PALM2AKAP2: variants seen among roughly 807,000 people sequenced by gnomAD.
The protein encoded by PALM2AKAP2 is PALM2-AKAP2 fusion protein.
PALM2AKAP2 carries 37 observed loss-of-function variants against 71.5 expected under a neutral mutation model. The ratio of observed to expected loss-of-function variants is 0.52; its 90% CI spans 0.40 to 0.68. PALM2AKAP2 has a LOEUF of 0.68. Among genes scored for constraint, PALM2AKAP2 ranks in the 30% least tolerant of loss-of-function variants. The pLI, the probability that PALM2AKAP2 is intolerant of heterozygous loss-of-function variation, is 0.00. For missense variants in PALM2AKAP2, 1,224 were observed against 1,191.8 expected, an observed-to-expected ratio of 1.03 and a Z score of -0.40; for synonymous variants, 468 against 478.8, an observed-to-expected ratio of 0.98 and a Z score of 0.29.
chr9:109,798,349 G>A (rs899798251), intron 1 of PALM2AKAP2, among the ~76,000 whole-genome samples: 2 of 152,142 alleles, frequency 1.3e-5, no homozygotes, highest in East Asian at 1.9e-4. Flanking sequence ...CCTGCATCTC[G>A]CAGTGATGGT....
At chr9:109,974,420 C>G (rs922935846) in intron 6 of PALM2AKAP2, among the ~76,000 whole-genome samples, 1 of 151,986 alleles carries the variant, frequency 6.6e-6, no homozygotes, top group Non-Finnish European at 1.5e-5. Flanking sequence ...AGTGTTGCCT[C>G]TGCCTTACCT....
chr9:110,089,327 G>T (rs1368693098), intron 1 of PALM2AKAP2, among the ~76,000 whole-genome samples: 2 of 152,178 alleles, frequency 1.3e-5, no homozygotes, highest in African/African-American at 4.8e-5. Context: ...GAATTAAAAT[G>T]ATCTCTAGAG....
At chr9:110,053,059 T>C (rs1230863317) in intron 1 of PALM2AKAP2, among the ~76,000 whole-genome samples, 1 of 152,178 alleles carries the variant, frequency 6.6e-6, no homozygotes, top group African/African-American at 2.4e-5. Flanking sequence ...CTTTTTCCTG[T>C]TGAGGTGGAT....
intron 1 of PALM2AKAP2, among the ~76,000 whole-genome samples, chr9:109,826,951 T>G (rs1195297564): frequency 6.6e-6 from 1 of 152,112 alleles, no homozygotes. Flanking sequence ...TGAAATGAGA[T>G]AAAAATATAA....
intron 6 of PALM2AKAP2, chr9:109,943,275 T>G (rs1003448677): frequency 6.2e-7 from 1 of 1,614,204 alleles, no homozygotes; most frequent in Admixed American, 1.7e-5. Flanking sequence ...TGTCCACTAT[T>G]GACGGGAACG....
At chr9:109,716,190 C>A (rs1040587884) in intron 1 of PALM2AKAP2, among the ~76,000 whole-genome samples, 5 of 152,168 alleles carry the variant, frequency 3.3e-5, no homozygotes, top group African/African-American at 2.4e-5. Context: ...TATGTGGTAA[C>A]TCTCTCCTCT....
chr9:110,152,512 T>G (rs139821316), intron 2 of PALM2AKAP2, among the ~76,000 whole-genome samples: 65 of 152,286 alleles, frequency 4.3e-4, no homozygotes, highest in African/African-American at 1.5e-3. Flanking sequence ...GCATGTCCTC[T>G]TGGCCAAGGG....
chr9:109,956,175 T>C, intron 6 of PALM2AKAP2, among the ~76,000 whole-genome samples: 1 of 151,926 alleles, frequency 6.6e-6, no homozygotes, highest in Non-Finnish European at 1.5e-5. Context: ...AGGCTAATTT[T>C]TGTATTTTTA....
chr9:110,155,397 A>G (rs1229469835), intron 2 of PALM2AKAP2, among the ~76,000 whole-genome samples: 1 of 152,214 alleles, frequency 6.6e-6, no homozygotes, highest in African/African-American at 2.4e-5. Flanking sequence ...TCAGAAGTGC[A>G]TTTGGGGCTC....
intron 6 of PALM2AKAP2, among the ~76,000 whole-genome samples, chr9:110,009,023 A>C (rs1451031876): frequency 1.1e-4 from 16 of 152,174 alleles, no homozygotes; most frequent in Admixed American, 1.0e-3. Context: ...GAATATTTGC[A>C]TGAGCGGCAT....
chr9:109,727,731 C>T (rs1282008850), intron 1 of PALM2AKAP2, among the ~76,000 whole-genome samples: 1 of 152,166 alleles, frequency 6.6e-6, no homozygotes, highest in Non-Finnish European at 1.5e-5. Context: ...TTTTCATGCA[C>T]CGTAGTTAAT....
Position 110,038,546 on chromosome 9 carries a change from C to A in PALM2AKAP2, c.582+22507C>A, listed in dbSNP as rs1833453717. On this transcript the variant is annotated intron_variant, in intron 7 of 9. Coordinates refer to the PALM2AKAP2 transcript ENST00000302798. ...ACCTCAAGGTCACTGATGACTTTGA[C>A]AAGTGCTGTCTTGGTGAAAAAAACA... Among the ~76,000 whole-genome samples the A allele has an allele frequency of 2.6e-5, 4 of 151,970 alleles. No individual in the cohort carries two copies. In the South Asian group the frequency reaches 8.3e-4, roughly 32 times the overall value.
At chr9:109,887,485 A>T (rs1030849855) in intron 3 of PALM2AKAP2, among the ~76,000 whole-genome samples, 1 of 152,208 alleles carries the variant, frequency 6.6e-6, no homozygotes, top group Non-Finnish European at 1.5e-5. Context: ...TGCTATGTAT[A>T]CAGTAAACTA....
chr9:109,926,371 G>A (rs1830956321), intron 5 of PALM2AKAP2, among the ~76,000 whole-genome samples: 1 of 152,198 alleles, frequency 6.6e-6, no homozygotes, highest in Non-Finnish European at 1.5e-5. Flanking sequence ...CTGAGTACAT[G>A]TAGGCAGGGC....
chr9:109,790,874 T>G (rs979888783), intron 1 of PALM2AKAP2, among the ~76,000 whole-genome samples: 12 of 152,250 alleles, frequency 7.9e-5, no homozygotes, highest in Admixed American at 6.5e-4. Flanking sequence ...GTCCTGCTTA[T>G]CCAGGTAAGC....
intron 1 of PALM2AKAP2, among the ~76,000 whole-genome samples, chr9:110,071,885 T>C (rs969872413): frequency 5.9e-5 from 9 of 152,210 alleles, no homozygotes; most frequent in African/African-American, 2.2e-4. Flanking sequence ...TGTTCATATA[T>C]GTACAAGGTC....
intron 1 of PALM2AKAP2, among the ~76,000 whole-genome samples, chr9:109,788,433 C>T (rs1023276096): frequency 4.6e-5 from 7 of 152,164 alleles, no homozygotes; most frequent in African/African-American, 7.2e-5. Flanking sequence ...AATTCTCAAA[C>T]GTTAGTGCAT....
intron 1 of PALM2AKAP2, among the ~76,000 whole-genome samples, chr9:109,688,218 C>A (rs906462735): frequency 6.6e-6 from 1 of 152,222 alleles, no homozygotes; most frequent in African/African-American, 2.4e-5. Flanking sequence ...TAGATTTATT[C>A]ATCACAGGGT....
chr9:110,103,204 G>T (rs1420181147), intron 1 of PALM2AKAP2, among the ~76,000 whole-genome samples: 2 of 152,120 alleles, frequency 1.3e-5, no homozygotes, highest in African/African-American at 4.8e-5. Flanking sequence ...ATTCTGTTTT[G>T]TTTTTTCACA....
Sources: gnomAD v4.1 joint callset for allele counts (sites outside exome capture counted in the v4.1 genomes callset) on GRCh38, gnomAD v4.1.1 for gene constraint, MANE v1.5 for transcripts, NCBI Gene and HGNC (gene_info 2026-07-23, HGNC 2026-07-21) for gene names.